Variants in HEATR5A observed in about 807,000 individuals in gnomAD.
HEATR5A encodes the protein HEAT repeat containing 5A.
HEATR5A carries 178 observed loss-of-function variants against 218.8 expected under a neutral mutation model. The observed-to-expected ratio is 0.81, with a 90% confidence interval of 0.72 to 0.92. The LOEUF (loss-of-function observed/expected upper bound fraction) is 0.92, where lower values mean the gene tolerates loss of function less well. HEATR5A is among the 40% of genes least tolerant of loss of function. The probability of loss-of-function intolerance (pLI) is 0.00; values close to 1 mark genes in which losing one functional copy is unlikely to be tolerated. For synonymous variants in HEATR5A, 864 were observed against 871.6 expected, an observed-to-expected ratio of 0.99 and a Z score of 0.15; for missense variants, 2,420 against 2,418.9, an observed-to-expected ratio of 1.00 and a Z score of -0.01.
chr14:31,297,848 G>A (rs1899240322), intron 33 of HEATR5A: 2 of 152,090 alleles, frequency 1.3e-5, no homozygotes, highest in Admixed American at 6.5e-5. Context: ...AATTAGTAAG[G>A]CAGAAAGCTT....
intron 22 of HEATR5A, among the ~76,000 whole-genome samples, chr14:31,334,878 G>A (rs533772797): frequency 1.4e-4 from 21 of 150,892 alleles, no homozygotes; most frequent in Admixed American, 2.6e-4. Flanking sequence ...CCCGGGAGGC[G>A]GAGCTTGCAG....
intron 16 of HEATR5A, among the ~76,000 whole-genome samples, chr14:31,358,159 G>C (rs973081443): frequency 6.6e-6 from 1 of 152,096 alleles, no homozygotes; most frequent in Admixed American, 6.6e-5. Context: ...ACTGTCTTTC[G>C]CCATACTGGT....
chr14:31,302,269 A>G, intron 33 of HEATR5A, 26 bp downstream of exon 33: 1 of 1,490,818 alleles, frequency 6.7e-7, no homozygotes, highest in Admixed American at 1.9e-5. Flanking sequence ...AGACAAACTG[A>G]ACTGCTTCCA....
chr14:31,342,024 G>A (rs1334889218), intron 21 of HEATR5A, among the ~76,000 whole-genome samples: 1 of 152,106 alleles, frequency 6.6e-6, no homozygotes, highest in Non-Finnish European at 1.5e-5. Context: ...CCTAATACAT[G>A]ATTGACCCAG....
At chr14:31,388,714 T>G in intron 7 of HEATR5A, 131 bp downstream of exon 7, 1 of 616,352 alleles carries the variant, frequency 1.6e-6, no homozygotes. Flanking sequence ...GGCCTTACCA[T>G]TTATATCTAT....
At chr14:31,300,469 C>CCT (rs1899334016) in intron 33 of HEATR5A, among the ~76,000 whole-genome samples, 1 of 151,922 alleles carries the variant, frequency 6.6e-6, no homozygotes, top group African/African-American at 2.4e-5. Flanking sequence ...TTCTGAGAAG[C>CCT]CTCTAGTGGT....
intron 1 of HEATR5A, among the ~76,000 whole-genome samples, chr14:31,419,955 G>A (rs2139338539): frequency 6.6e-6 from 1 of 152,354 alleles, no homozygotes; most frequent in South Asian, 2.1e-4. Flanking sequence ...GAGGGTTCCT[G>A]CAGAAAACGA....
chr14:31,372,730 G>C (rs1433870304), intron 12 of HEATR5A, among the ~76,000 whole-genome samples: 1 of 152,152 alleles, frequency 6.6e-6, no homozygotes, highest in East Asian at 1.9e-4. Flanking sequence ...AGGAGGCTGA[G>C]ACAGGAGAAT....
At chr14:31,340,310 T>C (rs78875466) in intron 21 of HEATR5A, 2 of 380,138 alleles carry the variant, frequency 5.3e-6, no homozygotes, top group East Asian at 1.5e-4. Context: ...CGAAACATGC[T>C]ACACATACTG....
intron 16 of HEATR5A, among the ~76,000 whole-genome samples, chr14:31,355,412 CA>C (rs1314518802): frequency 6.6e-6 from 1 of 151,270 alleles, no homozygotes. Context: ...AACTCTGTCT[CA>C]AAACAAAACA....
chr14:31,344,371 G>A (rs906788987), intron 20 of HEATR5A, among the ~76,000 whole-genome samples: 1 of 142,868 alleles, frequency 7.0e-6, no homozygotes, highest in Non-Finnish European at 1.5e-5. Flanking sequence ...CCCGGCTTCC[G>A]GGTTCAAGTG....
At chr14:31,392,924 A>T (rs1271478724) in intron 6 of HEATR5A, among the ~76,000 whole-genome samples, 1 of 152,204 alleles carries the variant, frequency 6.6e-6, no homozygotes, top group Non-Finnish European at 1.5e-5. Flanking sequence ...TGGGGCGGAG[A>T]AAGTAGTAAG....
intron 25 of HEATR5A, among the ~76,000 whole-genome samples, chr14:31,319,150 GTTC>G (rs1391051662): frequency 3.3e-5 from 5 of 151,954 alleles, no homozygotes; most frequent in Admixed American, 2.6e-4. Context: ...TAATATAATA[GTTC>G]TTTTTTTTCT....
At chr14:31,378,151 C>T (rs1295244446) in intron 11 of HEATR5A, among the ~76,000 whole-genome samples, 3 of 152,268 alleles carry the variant, frequency 2.0e-5, no homozygotes, top group Non-Finnish European at 4.4e-5. Flanking sequence ...ATGATCTATG[C>T]TTTGGTCTAA....
At chr14:31,360,552 T>A (rs903393018) in intron 14 of HEATR5A, among the ~76,000 whole-genome samples, 1 of 152,232 alleles carries the variant, frequency 6.6e-6, no homozygotes, top group Non-Finnish European at 1.5e-5. Flanking sequence ...AAAGATGTTT[T>A]ATCCTAATTT....
chr14:31,386,427 T>G lies in HEATR5A; in HGVS notation c.1338A>C (p.Ser446=). The G allele has an allele frequency of 1.9e-6, 3 of 1,613,546 alleles. No individual in the cohort carries two copies. The highest frequency in any genetic ancestry group is 2.5e-6 in the Non-Finnish European group (3 of 1,179,600). ...AGTCACAAACAGATATACCTGTACT[T>G]GAATCCTGTAGCAAAGGTGCCGCTG... ...GTTAAPLLQD[S]STGLLDSILS... The change falls in exon 9 of 36, where the codon TCA becomes TCC. Residue 446 remains serine (S), a synonymous_variant. Coordinates refer to ENST00000543095, the MANE Select transcript of HEATR5A (RefSeq NM_015473.4).
intron 16 of HEATR5A, among the ~76,000 whole-genome samples, chr14:31,355,344 C>T (rs1162023472): frequency 2.0e-5 from 3 of 151,706 alleles, no homozygotes; most frequent in African/African-American, 4.8e-5. Flanking sequence ...ACCTGGGAGG[C>T]GGAGGTTGCA....
chr14:31,364,512 T>C lies in HEATR5A; in HGVS notation c.1962-214A>G, dbSNP rs146018749. Among the ~76,000 whole-genome samples the C allele has an allele frequency of 5.8e-4, 89 of 152,266 alleles. No individual in the cohort carries two copies. The East Asian group carries it at 0.016, about 27-fold the overall frequency. On this transcript the variant is annotated intron_variant, in intron 13 of 35. Transcript: ENST00000543095. ...TTGGCTCACGGCAACCTCTGTCTTG[T>C]GGGCTCAAACGATTCTCCCACCTCA...
At chr14:31,384,955 A>G (rs1373231963) in intron 9 of HEATR5A, among the ~76,000 whole-genome samples, 1 of 152,188 alleles carries the variant, frequency 6.6e-6, no homozygotes, top group African/African-American at 2.4e-5. Context: ...AACTGTCACC[A>G]TCAATAAAAG....
Sources: gnomAD v4.1 joint callset for allele counts (sites outside exome capture counted in the v4.1 genomes callset) on GRCh38, gnomAD v4.1.1 for gene constraint, MANE v1.5 for transcripts, NCBI Gene and HGNC (gene_info 2026-07-23, HGNC 2026-07-21) for gene names.